Variants in FAR1 observed in about 807,000 individuals in gnomAD.
FAR1 encodes the protein male sterility domain-containing protein 2.
In FAR1, 22 loss-of-function variants were observed where a neutral mutation model predicts 61.1. The ratio of observed to expected loss-of-function variants is 0.36; its 90% CI spans 0.26 to 0.51. The LOEUF (loss-of-function observed/expected upper bound fraction) is 0.51. Among genes scored for constraint, FAR1 ranks in the 20% least tolerant of loss-of-function variants. The pLI, the probability that FAR1 is intolerant of heterozygous loss-of-function variation, is 0.95. For synonymous variants in FAR1, 206 were observed against 209.7 expected (o/e 0.98, Z 0.15); for missense variants, 359 against 626.9 (o/e 0.57, Z 4.56).
At chr11:13,669,488 ACT>A (rs1214704777) in intron 1 of FAR1, 1 of 152,160 alleles carries the variant, frequency 6.6e-6, no homozygotes, top group East Asian at 1.9e-4. Flanking sequence ...AGGCTATTGG[ACT>A]AGAAGGCATT....
At position 13,721,470 on chromosome 11, in the gene FAR1, A is replaced by G; in HGVS notation, c.1128-260A>G. The G allele has an allele frequency of 3.3e-6, 1 of 306,944 alleles. No individual in the cohort carries two copies. The highest frequency in any genetic ancestry group is 6.0e-6 in the Non-Finnish European group (1 of 167,802). 19.0% of individuals were successfully genotyped at this position (306,944 alleles called of 1,614,324 possible). A position where few individuals can be genotyped will look rare whatever the true frequency, so the allele number is the denominator to read the frequency against. On this transcript the variant is annotated intron_variant, in intron 9 of 11. Coordinates refer to ENST00000354817, the MANE Select transcript of FAR1 (RefSeq NM_032228.6). The surrounding 1 kb of genome is among the most constrained non-coding windows in gnomAD (Gnocchi z 4.2). ...CCTTTGAGAATTAATTCTGTATATC[A>G]GCAGAACTCTGTTTAGGTGGTATTA...
intron 4 of FAR1, 85 bp downstream of exon 4, chr11:13,708,164 G>T: frequency 1.1e-6 from 1 of 929,238 alleles, no homozygotes; most frequent in Non-Finnish European, 1.5e-6. Flanking sequence ...GAGTTCAAGA[G>T]CAGCCAGGCC....
At position 13,705,338 on chromosome 11, in the gene FAR1, CAG is replaced by C. The variant is rs1488424003; in HGVS notation, c.366-2556_366-2555del. On this transcript the variant is annotated intron_variant, in intron 3 of 11. Coordinates refer to ENST00000354817, the MANE Select transcript of FAR1 (RefSeq NM_032228.6). ...AACACAGTTAGGTTAACTAGCCTGG[CAG>C]AGAGATACTAGATGTTACTCACTTG... 2.0e-5 allele frequency among the ~76,000 whole-genome samples: 3 copies of C among 152,098 alleles called. No homozygotes were observed. The East Asian group carries it at 5.8e-4, about 29-fold the overall frequency.
In FAR1 at chr11:13,730,812, A is replaced by T. The variant is rs576622889; in HGVS notation, c.*2038A>T. The stretch of plus-strand genomic sequence containing the variant: ...GGGTGCTGAGGCCACTCACTGCATT[A>T]ATTTTGTGTGTTTAGAGTTCTGTTG... On this transcript the variant is annotated 3_prime_UTR_variant, in exon 12 of 12. Transcript: ENST00000354817. 2 of 152,200 alleles carry T rather than the reference A, an allele frequency of 1.3e-5. No homozygotes were observed. Among genetic ancestry groups the T allele is most frequent in the South Asian group, 4.1e-4 (2 of 4,830 alleles). 9.4% of individuals were successfully genotyped at this position (152,200 alleles called of 1,614,324 possible).
chr11:13,696,988 T>C (rs1267384837), intron 2 of FAR1, among the ~76,000 whole-genome samples: 1 of 152,210 alleles, frequency 6.6e-6, no homozygotes, highest in Non-Finnish European at 1.5e-5. Context: ...GCTTGTTCTA[T>C]GCATGGTAGG....
intron 4 of FAR1, among the ~76,000 whole-genome samples, chr11:13,709,093 T>C (rs962867798): frequency 2.0e-5 from 3 of 152,192 alleles, no homozygotes; most frequent in African/African-American, 4.8e-5. Flanking sequence ...ATAATATCTT[T>C]GAATTTTTTC....
At chr11:13,671,547 A>G (rs1000844274) in intron 1 of FAR1, among the ~76,000 whole-genome samples, 1 of 152,252 alleles carries the variant, frequency 6.6e-6, no homozygotes, top group Non-Finnish European at 1.5e-5. Context: ...TAGGTTTAAC[A>G]GTCAACCATA....
At chr11:13,699,332 T>C (rs565923683) in intron 2 of FAR1, among the ~76,000 whole-genome samples, 1 of 152,342 alleles carries the variant, frequency 6.6e-6, no homozygotes, top group Non-Finnish European at 1.5e-5. Flanking sequence ...TATGAAATAC[T>C]CAGTAAGTTT....
Position 13,732,336 on chromosome 11 carries a change from A to T in FAR1, c.*3562A>T, listed in dbSNP as rs1848737545. ...TTTGTCTTTATTAAAGAAAAATTTG[A>T]GTAACATTAAGTTTGATGTGCTCCT... On this transcript the variant is annotated 3_prime_UTR_variant, in exon 12 of 12. Transcript: ENST00000354817. The T allele has an allele frequency of 1.3e-5, 2 of 152,208 alleles. No individual in the cohort carries two copies. Among genetic ancestry groups the T allele is most frequent in the Non-Finnish European group, 2.9e-5 (2 of 68,028 alleles). 9.4% of individuals were successfully genotyped at this position (152,208 alleles called of 1,614,324 possible). A position where few individuals can be genotyped will look rare whatever the true frequency, so the allele number is the denominator to read the frequency against.
intron 9 of FAR1, chr11:13,715,781 T>A (rs965059572): frequency 3.3e-5 from 5 of 152,206 alleles, no homozygotes; most frequent in Admixed American, 2.0e-4. Context: ...TAATTTTTTT[T>A]AACTACATTG....
At chr11:13,698,539 C>T (rs1005365030) in intron 2 of FAR1, among the ~76,000 whole-genome samples, 6 of 152,112 alleles carry the variant, frequency 3.9e-5, no homozygotes, top group Admixed American at 2.0e-4. Flanking sequence ...TGCTTAAAAT[C>T]TGTCAATAGC....
chr11:13,694,330 A>G (rs1848286565), intron 1 of FAR1, among the ~76,000 whole-genome samples: 1 of 152,210 alleles, frequency 6.6e-6, no homozygotes, highest in Non-Finnish European at 1.5e-5. Context: ...CCAGTGTTAC[A>G]CAAGCTAGGT....
chr11:13,721,921 A>G lies in FAR1; in HGVS notation c.1257+62A>G. On this transcript the variant is annotated intron_variant, in intron 10 of 11. Transcript: ENST00000354817. The surrounding 1 kb of genome is among the most constrained non-coding windows in gnomAD (Gnocchi z 4.2). ...GTAGCATACTAATTACAGAACTATT[A>G]GCAACCTGAGAAATATTTTCCACAG... is the stretch of plus-strand genomic sequence containing the variant. 2 of 1,356,176 alleles carry G rather than the reference A, an allele frequency of 1.5e-6. No homozygotes were observed. The highest frequency in any genetic ancestry group is 2.4e-5 in the East Asian group (1 of 41,874). 84.0% of individuals were successfully genotyped at this position (1,356,176 alleles called of 1,614,324 possible).
At chr11:13,683,580 G>A (rs199736506) in intron 1 of FAR1, among the ~76,000 whole-genome samples, 2 of 151,750 alleles carry the variant, frequency 1.3e-5, no homozygotes, top group African/African-American at 4.8e-5. Flanking sequence ...GGGGTCTAGC[G>A]ATGTTGCCCA....
chr11:13,700,228 G>T (rs1185494460), intron 2 of FAR1, 89 bp from the exon 3 acceptor site: 5 of 930,140 alleles, frequency 5.4e-6, no homozygotes, highest in Middle Eastern at 3.2e-4. Context: ...TAAAAAAATA[G>T]TCATCCTTGG....
intron 8 of FAR1, 86 bp downstream of exon 8, chr11:13,713,119 G>T: frequency 3.5e-6 from 4 of 1,126,780 alleles, no homozygotes; most frequent in Non-Finnish European, 5.4e-6. Flanking sequence ...ATACCTATGA[G>T]GCATTAAGGC....
chr11:13,679,386 A>T (rs1384083915), intron 1 of FAR1, among the ~76,000 whole-genome samples: 2 of 152,182 alleles, frequency 1.3e-5, no homozygotes, highest in Non-Finnish European at 2.9e-5. Context: ...TTCCCCTAGA[A>T]GGAAATTGAA....
intron 3 of FAR1, among the ~76,000 whole-genome samples, chr11:13,701,373 C>G (rs1325744065): frequency 6.6e-6 from 1 of 151,964 alleles, no homozygotes; most frequent in East Asian, 1.9e-4. Context: ...CATCAAAACA[C>G]CGCTATGTAT....
chr11:13,676,091 A>T (rs1848065407), intron 1 of FAR1, among the ~76,000 whole-genome samples: 1 of 152,194 alleles, frequency 6.6e-6, no homozygotes, highest in African/African-American at 2.4e-5. Context: ...CATACTGCTA[A>T]AATTCAACTC....
Sources: allele counts gnomAD v4.1 joint callset (sites outside exome capture counted in the v4.1 genomes callset), GRCh38; gene constraint gnomAD v4.1.1; non-coding constraint Gnocchi (gnomAD v3.1); transcripts MANE v1.5; gene names NCBI Gene and HGNC (gene_info 2026-07-23, HGNC 2026-07-21).